TRPM8: variants seen among roughly 807,000 people sequenced by gnomAD.
The protein encoded by TRPM8 is transient receptor potential cation channel subfamily M member 8.
TRPM8 carries 110 observed loss-of-function variants against 133.7 expected under a neutral mutation model. The ratio of observed to expected loss-of-function variants is 0.82; its 90% CI spans 0.70 to 0.96. The LOEUF (loss-of-function observed/expected upper bound fraction) is 0.96, where lower values mean the gene tolerates loss of function less well. Ranked by LOEUF, TRPM8 falls within the 40% of genes least tolerant of loss-of-function variation. The pLI is 0.00. For missense variants in TRPM8, 1,291 were observed against 1,379.5 expected (o/e 0.94, Z 1.02); for synonymous variants, 535 against 532.3 (o/e 1.01, Z -0.07).
intron 12 of TRPM8, among the ~76,000 whole-genome samples, chr2:233,961,301 G>A (rs1691431184): frequency 6.6e-6 from 1 of 152,022 alleles, no homozygotes; most frequent in South Asian, 2.1e-4. Flanking sequence ...CAGACTAGTT[G>A]CAGTTTTCCT....
At chr2:233,997,627 AC>A (rs541380146) in intron 22 of TRPM8, among the ~76,000 whole-genome samples, 1 of 151,696 alleles carries the variant, frequency 6.6e-6, no homozygotes, top group Non-Finnish European at 1.5e-5. Context: ...GTCACCTCTG[AC>A]CCCAACTCCT....
chr2:233,964,089 A>G (rs1248179858), intron 13 of TRPM8, among the ~76,000 whole-genome samples: 1 of 152,196 alleles, frequency 6.6e-6, no homozygotes. Flanking sequence ...ATCATTATGA[A>G]TAGTTCCTAG....
At chr2:233,978,896 G>T (rs1176434983) in intron 17 of TRPM8, among the ~76,000 whole-genome samples, 1 of 152,130 alleles carries the variant, frequency 6.6e-6, no homozygotes, top group Admixed American at 6.5e-5. Flanking sequence ...ATTTATAAAT[G>T]AAGGAAAGGA....
intron 21 of TRPM8, among the ~76,000 whole-genome samples, chr2:233,994,312 C>G (rs756772514): frequency 6.6e-6 from 1 of 152,202 alleles, no homozygotes; most frequent in Non-Finnish European, 1.5e-5. Flanking sequence ...GCAGCCTGAC[C>G]TACATTTGGA....
chr2:234,001,127 T>C (rs941408719), intron 22 of TRPM8, among the ~76,000 whole-genome samples: 1 of 152,154 alleles, frequency 6.6e-6, no homozygotes, highest in Non-Finnish European at 1.5e-5. Context: ...CCCTGTGTCT[T>C]TGGAGATGAG....
intron 5 of TRPM8, among the ~76,000 whole-genome samples, chr2:233,939,823 G>A (rs1322850850): frequency 6.6e-6 from 1 of 152,192 alleles, no homozygotes; most frequent in East Asian, 1.9e-4. Context: ...GTTGAAAGCA[G>A]GTTGCAGGAA....
intron 22 of TRPM8, among the ~76,000 whole-genome samples, chr2:233,998,536 G>A (rs974355544): frequency 6.6e-6 from 1 of 151,762 alleles, no homozygotes; most frequent in Non-Finnish European, 1.5e-5. Flanking sequence ...CAGTTAGGGT[G>A]AGCAGATTGT....
chr2:233,972,074 A>T (rs1201383848), intron 17 of TRPM8, among the ~76,000 whole-genome samples: 1 of 152,218 alleles, frequency 6.6e-6, no homozygotes, highest in Non-Finnish European at 1.5e-5. Flanking sequence ...GTAGCTAGAT[A>T]CAGAGTGTTG....
chr2:233,956,916 G>A (rs1414246942), intron 11 of TRPM8, among the ~76,000 whole-genome samples: 1 of 152,138 alleles, frequency 6.6e-6, no homozygotes. Flanking sequence ...ATTTAAGTGA[G>A]GTCAGATGGT....
chr2:233,978,485 A>G (rs1691926094), intron 17 of TRPM8, among the ~76,000 whole-genome samples: 1 of 152,148 alleles, frequency 6.6e-6, no homozygotes, highest in African/African-American at 2.4e-5. Flanking sequence ...GGGTAGGCAT[A>G]TGTATGTTTG....
In TRPM8 at chr2:234,018,843, T is replaced by G. The variant is rs1574802346; in HGVS notation, c.*1587T>G. ...CGGGGTGACAGAGTGAGACTCCGAC[T>G]GAAAATAAATAAATAAATAAATAAA... On this transcript the variant is annotated 3_prime_UTR_variant, in exon 26 of 26. Transcript: ENST00000324695. 3.8e-5 allele frequency: 2 copies of G among 52,384 alleles called. No individual in the cohort carries two copies. The highest frequency in any genetic ancestry group is 2.2e-4 in the Admixed American group (1 of 4,534). The allele number at this position is 52,384 out of a possible 1,614,324, so 3.2% of individuals were successfully genotyped here.
At chr2:234,007,477 G>A (rs143163699) in intron 23 of TRPM8, among the ~76,000 whole-genome samples, 86 of 152,330 alleles carry the variant, frequency 5.6e-4, no homozygotes, top group Non-Finnish European at 7.1e-4. Context: ...TAAGAAATAC[G>A]TTGATTAAAC....
At chr2:233,945,015 T>C (rs188803002) in intron 6 of TRPM8, among the ~76,000 whole-genome samples, 54 of 152,306 alleles carry the variant, frequency 3.5e-4, no homozygotes, top group African/African-American at 1.3e-3. Flanking sequence ...TTTTAACCAC[T>C]ATAGTATTCA....
chr2:233,942,506 G>A, intron 5 of TRPM8, 70 bp from the exon 6 acceptor site: 1 of 1,508,118 alleles, frequency 6.6e-7, no homozygotes, highest in Non-Finnish European at 9.2e-7. Flanking sequence ...TTATTTTAGG[G>A]GTCTGTGAGC....
intron 7 of TRPM8, among the ~76,000 whole-genome samples, chr2:233,946,564 A>G (rs748522642): frequency 2.0e-4 from 31 of 152,208 alleles, no homozygotes; most frequent in Non-Finnish European, 8.8e-5. Context: ...TGGACAGGGT[A>G]TTGAGATGTG....
At chr2:233,985,548 T>C (rs1692124090) in intron 20 of TRPM8, 140 bp from the exon 21 acceptor site, 2 of 722,500 alleles carry the variant, frequency 2.8e-6, no homozygotes, top group Admixed American at 4.8e-5. Flanking sequence ...CTAAGGACTA[T>C]GACTTGTTTG....
chr2:233,995,871 A>G (rs564689937), intron 21 of TRPM8, among the ~76,000 whole-genome samples: 17 of 152,148 alleles, frequency 1.1e-4, no homozygotes, highest in African/African-American at 4.1e-4. Context: ...ATTGGGTCAA[A>G]GGGATGAACA....
intron 25 of TRPM8, 54 bp from the exon 26 acceptor site, chr2:234,017,245 G>C (rs1244143713): frequency 1.9e-5 from 9 of 465,854 alleles, no homozygotes. Context: ...TCCTGCCTGA[G>C]AATGGAAGTG....
intron 15 of TRPM8, among the ~76,000 whole-genome samples, chr2:233,968,777 C>T (rs1231546384): frequency 6.6e-6 from 1 of 151,972 alleles, no homozygotes; most frequent in African/African-American, 2.4e-5. Context: ...TCTATGCTCC[C>T]CTGCTAACTC....
Sources: gnomAD v4.1 joint callset for allele counts (sites outside exome capture counted in the v4.1 genomes callset) on GRCh38, gnomAD v4.1.1 for gene constraint, MANE v1.5 for transcripts, NCBI Gene and HGNC (gene_info 2026-07-23, HGNC 2026-07-21) for gene names.